TDRD1: variants seen among roughly 807,000 people sequenced by gnomAD.
TDRD1 encodes the protein tudor domain containing 1, also known as tudor domain-containing protein 1.
Under a neutral mutation model 140.6 loss-of-function variants are expected in TDRD1, and 37 were observed. The observed-to-expected ratio is 0.26, with a 90% CI of 0.20 to 0.35. The LOEUF (loss-of-function observed/expected upper bound fraction) is 0.35. TDRD1 is among the 10% of genes least tolerant of loss of function. The pLI is 1.00. For missense variants in TDRD1, 1,243 were observed against 1,393.0 expected, an observed-to-expected ratio of 0.89 and a Z score of 1.71; for synonymous variants, 506 against 475.7, an observed-to-expected ratio of 1.06 and a Z score of -0.83.
chr10:114,175,081 C>T (rs1387474363), upstream of TDRD1, among the ~76,000 whole-genome samples: 1 of 152,214 alleles, frequency 6.6e-6, no homozygotes, highest in African/African-American at 2.4e-5. Flanking sequence ...GTTGGCAAAA[C>T]ACACACACGG....
intron 17 of TDRD1, among the ~76,000 whole-genome samples, 184 bp downstream of exon 17, chr10:114,217,839 T>G (rs543805998): frequency 1.3e-5 from 2 of 152,378 alleles, no homozygotes; most frequent in South Asian, 4.1e-4. Flanking sequence ...TGATACTTTC[T>G]TGCCTTAACT....
chr10:114,222,248 A>G (rs1269055954), intron 20 of TDRD1, among the ~76,000 whole-genome samples: 3 of 152,194 alleles, frequency 2.0e-5, no homozygotes, highest in East Asian at 3.9e-4. Flanking sequence ...TTTATTAAGT[A>G]TAACACTTAC....
intron 2 of TDRD1, among the ~76,000 whole-genome samples, chr10:114,189,846 G>A (rs2033829191): frequency 6.6e-6 from 1 of 152,224 alleles, no homozygotes; most frequent in Non-Finnish European, 1.5e-5. Flanking sequence ...TTTTCCAAAT[G>A]ACCAATGCGT....
Position 114,218,553 on chromosome 10 carries a change from T to C in TDRD1, c.2463T>C (p.Leu821=), listed in dbSNP as rs759758759. 9.3e-6 allele frequency: 15 copies of C among 1,610,012 alleles called. No homozygotes were observed. In the Admixed American group the frequency reaches 2.5e-4, roughly 27 times the overall value. The change falls in exon 18 of 26, where the codon CTT becomes CTC. Residue 821 remains leucine, a synonymous_variant. Transcript: ENST00000251864. ...TGATATCATCAACATTTTTAAACCT[T>C]CCCTTTCAGGGAATACGGTGCCAGT... is the stretch of plus-strand genomic sequence containing the variant.
intron 1 of TDRD1, among the ~76,000 whole-genome samples, chr10:114,187,220 A>C (rs2033607223): frequency 6.6e-6 from 1 of 152,198 alleles, no homozygotes; most frequent in Non-Finnish European, 1.5e-5. Context: ...AGTAGGTATA[A>C]ATTACAATTT....
At chr10:114,192,430 G>A (rs866803069) in intron 3 of TDRD1, among the ~76,000 whole-genome samples, 2 of 146,900 alleles carry the variant, frequency 1.4e-5, no homozygotes, top group South Asian at 2.2e-4. Context: ...TCAGCCTCCC[G>A]AGTAGCTGGG....
rs922693220 is a variant in TDRD1 at position 114,187,938 on chromosome 10, C to T, written c.107C>T (p.Pro36Leu). The change falls in exon 2 of 26, where the codon CCA (proline) becomes CTA (leucine). Residue 36 changes from proline to leucine, a missense_variant. Physicochemically the swap from Pro to Leu is moderately conservative, Grantham distance 98. Coordinates refer to ENST00000251864, the Ensembl canonical transcript of TDRD1. ...TTTGAGAAAAATGAAAACAAGCTTC[C>T]ACCACATGAGTCTTTAAGAAGTCCT... is the stretch of plus-strand genomic sequence containing the variant. 5.6e-6 allele frequency: 9 copies of T among 1,613,774 alleles called. No individual in the cohort carries two copies. The Middle Eastern group carries it at 5.0e-4, about 89-fold the overall frequency.
chr10:114,218,845 G>A (rs762053829), intron 18 of TDRD1, among the ~76,000 whole-genome samples: 8 of 152,176 alleles, frequency 5.3e-5, no homozygotes, highest in African/African-American at 1.7e-4. Flanking sequence ...AACCTCCAGC[G>A]TTCATACCTT....
intron 3 of TDRD1, among the ~76,000 whole-genome samples, chr10:114,193,847 A>T (rs1304787147): frequency 6.6e-6 from 1 of 152,156 alleles, no homozygotes; most frequent in Non-Finnish European, 1.5e-5. Flanking sequence ...GTTTTTGTAG[A>T]TGTTCTTTAT....
intron 1 of TDRD1, among the ~76,000 whole-genome samples, chr10:114,183,137 A>T (rs2033225852): frequency 6.6e-6 from 1 of 152,212 alleles, no homozygotes; most frequent in Admixed American, 6.5e-5. Flanking sequence ...AACTGTCTAT[A>T]GGTAACTGTA....
At chr10:114,175,426 G>A (rs1360239149), upstream of TDRD1, among the ~76,000 whole-genome samples, 2 of 151,880 alleles carry the variant, frequency 1.3e-5, no homozygotes, top group Admixed American at 1.3e-4. Context: ...TTAAAATTCT[G>A]CAATCCTATA....
chr10:114,218,518 G>A (rs143998233), exon 18 of TDRD1: 20 of 1,612,446 alleles, frequency 1.2e-5, no homozygotes, highest in Non-Finnish European at 1.7e-5. Context: ...TACTGCAGAT[G>A]AACTCCGAAT....
At chr10:114,210,456 C>A in intron 11 of TDRD1, 125 bp from the exon 12 acceptor site, 1 of 921,218 alleles carries the variant, frequency 1.1e-6, no homozygotes, top group Non-Finnish European at 1.6e-6. Context: ...ACCTCTCAGA[C>A]TGCCATCTTC....
At chr10:114,210,728 G>C in exon 12 of TDRD1, 1 of 1,610,700 alleles carries the variant, frequency 6.2e-7, no homozygotes, top group Non-Finnish European at 8.5e-7. Flanking sequence ...GACTTCTTTT[G>C]TCAACAACTG....
upstream of TDRD1, among the ~76,000 whole-genome samples, chr10:114,178,945 G>A (rs1429734632): frequency 2.0e-5 from 3 of 152,026 alleles, no homozygotes; most frequent in African/African-American, 7.2e-5. Flanking sequence ...CCTCAGTCAG[G>A]AAGCAAAGAA....
intron 24 of TDRD1, 26 bp downstream of exon 24, chr10:114,227,982 A>G (rs2036537344): frequency 6.2e-7 from 1 of 1,612,990 alleles, no homozygotes. Context: ...TTTAAGTGAA[A>G]TTATACTCCT....
At chr10:114,175,744 G>T (rs562713794), upstream of TDRD1, among the ~76,000 whole-genome samples, 1 of 152,270 alleles carries the variant, frequency 6.6e-6, no homozygotes, top group South Asian at 2.1e-4. Context: ...GTTCAAAGAT[G>T]CCCCAACTTC....
chr10:114,187,757 C>A (rs2033648351), intron 1 of TDRD1, 69 bp from the exon 2 acceptor site: 2 of 1,315,658 alleles, frequency 1.5e-6, no homozygotes, highest in Admixed American at 4.6e-5. Flanking sequence ...GGGAGAATTC[C>A]TCTGAGCCTG....
At chr10:114,229,376 G>T (rs76077972) in intron 25 of TDRD1, among the ~76,000 whole-genome samples, 1,613 of 152,138 alleles carry the variant, frequency 0.011, 19 homozygotes, top group African/African-American at 0.037. Flanking sequence ...GTTTCTTTGC[G>T]TTTTAAGAAA....
Sources: allele counts gnomAD v4.1 joint callset (sites outside exome capture counted in the v4.1 genomes callset), GRCh38; gene constraint gnomAD v4.1.1; transcripts MANE v1.5; gene names NCBI Gene and HGNC (gene_info 2026-07-23, HGNC 2026-07-21).